DIP2B: variants seen among roughly 807,000 people sequenced by gnomAD.
The protein encoded by DIP2B is DIP2 acetate--CoA ligase B (putative).
In DIP2B, 76 loss-of-function variants were observed where a neutral mutation model predicts 198.0. That is an observed-to-expected ratio of 0.38 (90% CI 0.32 to 0.46). The LOEUF is 0.46. Ranked by LOEUF, DIP2B falls within the 20% of genes least tolerant of loss-of-function variation. The pLI is 0.99. For synonymous variants in DIP2B, 701 were observed against 739.1 expected (o/e 0.95, Z 0.84); for missense variants, 1,559 against 1,978.4 (o/e 0.79, Z 4.02).
At chr12:50,722,217 CA>C (rs1939849753) in intron 26 of DIP2B, among the ~76,000 whole-genome samples, 1 of 151,574 alleles carries the variant, frequency 6.6e-6, no homozygotes, top group Non-Finnish European at 1.5e-5. Flanking sequence ...CCCCACACTT[CA>C]TATTGTTCTG....
intron 30 of DIP2B, among the ~76,000 whole-genome samples, chr12:50,729,736 C>CT (rs35318106): frequency 0.01 from 1,451 of 141,260 alleles, 16 homozygotes; most frequent in Middle Eastern, 0.019. Flanking sequence ...TTTTCTTTTT[C>CT]TTTTTTTTTT....
At chr12:50,524,801 C>T (rs920970832) in intron 1 of DIP2B, among the ~76,000 whole-genome samples, 2 of 152,046 alleles carry the variant, frequency 1.3e-5, no homozygotes, top group Non-Finnish European at 2.9e-5. Context: ...GATCATGGCT[C>T]AACTGCAGCT....
chr12:50,582,060 A>G (rs1002654563), intron 1 of DIP2B, among the ~76,000 whole-genome samples: 2 of 151,666 alleles, frequency 1.3e-5, no homozygotes, highest in East Asian at 1.9e-4. Context: ...ATGGTGGAGC[A>G]TGCTTGATCA....
chr12:50,652,172 G>A (rs540948767), intron 3 of DIP2B, among the ~76,000 whole-genome samples: 14 of 151,996 alleles, frequency 9.2e-5, no homozygotes, highest in Non-Finnish European at 1.8e-4. Context: ...AATTAGCCAG[G>A]CGTTGTAGCA....
chr12:50,514,749 C>T lies in DIP2B; in HGVS notation c.100+9509C>T, dbSNP rs145375189. Among the ~76,000 whole-genome samples the T allele has an allele frequency of 2.9e-3, 444 of 152,152 alleles. 6 individuals are homozygous for T. The highest frequency in any genetic ancestry group is 0.01 in the African/African-American group (421 of 41,512). On this transcript the variant is annotated intron_variant, in intron 1 of 37. Transcript: ENST00000301180. ...GGGTGCTCACTGCAGCCTTGACTTCCTGGGCTCAAGTGATCCTCCCACCTC... is the reference window on the plus strand; with the variant it reads ...GGGTGCTCACTGCAGCCTTGACTTCTTGGGCTCAAGTGATCCTCCCACCTC...
intron 1 of DIP2B, among the ~76,000 whole-genome samples, chr12:50,579,561 G>A (rs1247345425): frequency 1.5e-5 from 2 of 133,816 alleles, no homozygotes; most frequent in East Asian, 2.4e-4. Flanking sequence ...GCAGTGAGCC[G>A]AGATCATGGC....
chr12:50,709,013 T>G (rs893673175), intron 22 of DIP2B, among the ~76,000 whole-genome samples: 5 of 152,148 alleles, frequency 3.3e-5, no homozygotes, highest in African/African-American at 1.2e-4. Flanking sequence ...AGATAAACCA[T>G]GAGGGAAGGA....
intron 12 of DIP2B, among the ~76,000 whole-genome samples, chr12:50,688,240 TAGG>T (rs1223975056): frequency 6.6e-6 from 1 of 152,002 alleles, no homozygotes; most frequent in African/African-American, 2.4e-5. Context: ...GAAGGCCAAA[TAGG>T]AGGACTGCAA....
At chr12:50,648,615 G>A (rs1299105443) in intron 3 of DIP2B, among the ~76,000 whole-genome samples, 1 of 150,220 alleles carries the variant, frequency 6.7e-6, no homozygotes, top group Admixed American at 6.6e-5. Flanking sequence ...CGCCCGTCTC[G>A]GCCTCCCAAA....
At chr12:50,707,510 A>G (rs564161890) in intron 21 of DIP2B, among the ~76,000 whole-genome samples, 1 of 152,346 alleles carries the variant, frequency 6.6e-6, no homozygotes, top group South Asian at 2.1e-4. Flanking sequence ...GTGCCTTCCC[A>G]TTCTTTCATG....
At chr12:50,714,874 G>C (rs1939685997) in intron 23 of DIP2B, among the ~76,000 whole-genome samples, 1 of 152,172 alleles carries the variant, frequency 6.6e-6, no homozygotes, top group Non-Finnish European at 1.5e-5. Context: ...CTGGGAGGTT[G>C]CAGTAAACCG....
chr12:50,627,154 T>A (rs1034842457), intron 2 of DIP2B, among the ~76,000 whole-genome samples: 2 of 152,178 alleles, frequency 1.3e-5, no homozygotes, highest in African/African-American at 2.4e-5. Flanking sequence ...TTACCTTGAT[T>A]TGCTGCTTAT....
chr12:50,530,374 C>A (rs971912781), intron 1 of DIP2B, among the ~76,000 whole-genome samples: 1 of 152,178 alleles, frequency 6.6e-6, no homozygotes, highest in Non-Finnish European at 1.5e-5. Context: ...GCCACTGTGC[C>A]CTGCCTCCTC....
Position 50,739,975 on chromosome 12 carries a change from G to A in DIP2B, c.4354+389G>A, listed in dbSNP as rs543991910. 9.8e-5 allele frequency among the ~76,000 whole-genome samples: 15 copies of A among 152,324 alleles called. No homozygotes were observed. In the South Asian group the frequency reaches 2.7e-3, roughly 27 times the overall value. On this transcript the variant is annotated intron_variant, in intron 36 of 37. Coordinates refer to ENST00000301180, the MANE Select transcript of DIP2B (RefSeq NM_173602.3). ...AATGGCCCTATTCCCTGAGAGGGGC[G>A]TCAGTTCCAAGGAGCCATCTTGCTG...
chr12:50,627,770 T>TC (rs1179573838), intron 2 of DIP2B, among the ~76,000 whole-genome samples: 1 of 152,114 alleles, frequency 6.6e-6, no homozygotes, highest in East Asian at 1.9e-4. Context: ...GGCATATCCC[T>TC]CCCCCAGTAG....
intron 36 of DIP2B, among the ~76,000 whole-genome samples, chr12:50,740,425 A>T (rs1048258705): frequency 7.2e-5 from 11 of 152,166 alleles, no homozygotes; most frequent in African/African-American, 2.4e-4. Flanking sequence ...GAAAATGGGG[A>T]TGACTGTGTT....
intron 1 of DIP2B, among the ~76,000 whole-genome samples, chr12:50,563,557 T>C (rs1432467843): frequency 6.6e-6 from 1 of 151,004 alleles, no homozygotes; most frequent in African/African-American, 2.4e-5. Context: ...GCAGTGTGAT[T>C]ATAGCTCGCT....
intron 1 of DIP2B, among the ~76,000 whole-genome samples, chr12:50,516,218 T>TCTCC (rs1958062404): frequency 1.2e-5 from 1 of 80,856 alleles, no homozygotes. Flanking sequence ...GCACCATCTC[T>TCTCC]CTCTCTCTCT....
chr12:50,706,265 T>C (rs1297636268), intron 20 of DIP2B, among the ~76,000 whole-genome samples: 3 of 152,206 alleles, frequency 2.0e-5, no homozygotes, highest in Non-Finnish European at 4.4e-5. Context: ...GGAATCCTAG[T>C]TGCTTTCTTA....
Sources: allele counts gnomAD v4.1 joint callset (sites outside exome capture counted in the v4.1 genomes callset), GRCh38; gene constraint gnomAD v4.1.1; transcripts MANE v1.5; gene names NCBI Gene and HGNC (gene_info 2026-07-23, HGNC 2026-07-21).